The following ALK variants were observed in gnomAD, a reference collection of about 807,000 sequenced individuals.
The protein encoded by ALK is ALK tyrosine kinase receptor.
ALK carries 74 observed loss-of-function variants against 163.1 expected under a neutral mutation model. The ratio of observed to expected loss-of-function variants is 0.45; its 90% confidence interval spans 0.38 to 0.55. The LOEUF is 0.55. ALK is among the 20% of genes least tolerant of loss of function. The probability of loss-of-function intolerance (pLI) is 0.00; values close to 1 mark genes in which losing one functional copy is unlikely to be tolerated. For missense variants in ALK, 2,063 were observed against 2,105.3 expected (o/e 0.98, Z 0.39); for synonymous variants, 960 against 843.2 (o/e 1.14, Z -2.40).
intron 11 of ALK, among the ~76,000 whole-genome samples, chr2:29,253,880 A>G (rs915658454): frequency 7.1e-6 from 1 of 140,414 alleles, no homozygotes; most frequent in Non-Finnish European, 1.5e-5. Context: ...AGATAGATAG[A>G]TAGATAGATA....
chr2:29,482,896 G>A (rs1184195512), intron 4 of ALK, among the ~76,000 whole-genome samples: 1 of 152,126 alleles, frequency 6.6e-6, no homozygotes, highest in African/African-American at 2.4e-5. Context: ...AGGGGCGATA[G>A]GAGGCAAGGA....
At chr2:29,552,214 G>T (rs2148175967) in intron 3 of ALK, among the ~76,000 whole-genome samples, 1 of 152,218 alleles carries the variant, frequency 6.6e-6, no homozygotes, top group East Asian at 1.9e-4. Context: ...TAAGGTCATG[G>T]TATGTGTATA....
At chr2:29,842,514 C>G (rs1665726937) in intron 1 of ALK, among the ~76,000 whole-genome samples, 1 of 152,182 alleles carries the variant, frequency 6.6e-6, no homozygotes, top group South Asian at 2.1e-4. Flanking sequence ...CCAACTACCC[C>G]ACACAGTTAC....
chr2:29,369,111 C>T (rs781496045), intron 5 of ALK, among the ~76,000 whole-genome samples: 13 of 152,194 alleles, frequency 8.5e-5, no homozygotes, highest in Non-Finnish European at 1.6e-4. Flanking sequence ...CTTCTTGACA[C>T]TCACAGGAAA....
chr2:29,764,920 G>A (rs925241445), intron 1 of ALK, among the ~76,000 whole-genome samples: 3 of 152,094 alleles, frequency 2.0e-5, no homozygotes, highest in South Asian at 2.1e-4. Flanking sequence ...TGGATCAAGG[G>A]GGCAGATCTC....
chr2:29,643,540 C>T (rs1371824409), intron 3 of ALK, among the ~76,000 whole-genome samples: 2 of 152,128 alleles, frequency 1.3e-5, no homozygotes, highest in Non-Finnish European at 2.9e-5. Flanking sequence ...GAATTGGACA[C>T]TGAAAACCTA....
intron 12 of ALK, among the ~76,000 whole-genome samples, chr2:29,242,022 C>T (rs1042593269): frequency 1.3e-5 from 2 of 152,166 alleles, no homozygotes; most frequent in Admixed American, 1.3e-4. Flanking sequence ...CCAAACACTC[C>T]CTCCTGATCC....
chr2:29,782,794 T>G (rs1663869984), intron 1 of ALK, among the ~76,000 whole-genome samples: 1 of 152,208 alleles, frequency 6.6e-6, no homozygotes, highest in East Asian at 1.9e-4. Context: ...CAGCCTTCTG[T>G]GTGCCTCTGC....
chr2:29,341,325 C>G (rs1667785282), intron 5 of ALK, among the ~76,000 whole-genome samples: 1 of 152,228 alleles, frequency 6.6e-6, no homozygotes, highest in South Asian at 2.1e-4. Context: ...GCTGCCCACT[C>G]ATACCTGCAA....
intron 18 of ALK, 46 bp from the exon 19 acceptor site, chr2:29,225,611 C>G (rs1356491194): frequency 6.6e-7 from 1 of 1,519,024 alleles, no homozygotes; most frequent in Non-Finnish European, 9.0e-7. Flanking sequence ...CACCAGGTCT[C>G]CTTTGAGTTG....
At chr2:29,486,199 G>C (rs1463274705) in intron 4 of ALK, among the ~76,000 whole-genome samples, 1 of 152,032 alleles carries the variant, frequency 6.6e-6, no homozygotes, top group Non-Finnish European at 1.5e-5. Flanking sequence ...TCAAAGTCTA[G>C]ATTTGCAAAA....
intron 4 of ALK, among the ~76,000 whole-genome samples, chr2:29,507,890 T>A (rs903457319): frequency 1.3e-5 from 2 of 152,200 alleles, no homozygotes; most frequent in African/African-American, 4.8e-5. Flanking sequence ...ATCAGTTATC[T>A]TGGCCCCCAG....
chr2:29,800,061 C>T (rs946097181), intron 1 of ALK, among the ~76,000 whole-genome samples: 1 of 152,160 alleles, frequency 6.6e-6, no homozygotes, highest in African/African-American at 2.4e-5. Context: ...CAGTGTGGTG[C>T]GTGCCGTGCT....
chr2:29,856,024 T>C (rs1052193965), intron 1 of ALK, among the ~76,000 whole-genome samples: 3 of 152,132 alleles, frequency 2.0e-5, no homozygotes, highest in African/African-American at 7.2e-5. Flanking sequence ...GCAGATGAAA[T>C]ATGCATATTC....
intron 4 of ALK, among the ~76,000 whole-genome samples, chr2:29,521,952 C>G (rs1179962343): frequency 6.6e-6 from 1 of 152,212 alleles, no homozygotes; most frequent in Non-Finnish European, 1.5e-5. Context: ...TGCCTGCTCT[C>G]TAAAACAGGC....
chr2:29,728,865 G>A (rs573277151), intron 1 of ALK, among the ~76,000 whole-genome samples: 15 of 152,274 alleles, frequency 9.9e-5, no homozygotes, highest in African/African-American at 3.1e-4. Flanking sequence ...GATTGCAATC[G>A]AGAACAAGGA....
chr2:29,531,388 T>C (rs890530237), intron 4 of ALK, among the ~76,000 whole-genome samples: 1 of 152,154 alleles, frequency 6.6e-6, no homozygotes, highest in African/African-American at 2.4e-5. Flanking sequence ...CACTGTCATA[T>C]GTCTTGGTGG....
intron 5 of ALK, among the ~76,000 whole-genome samples, chr2:29,335,546 C>T (rs1667585754): frequency 6.6e-6 from 1 of 152,166 alleles, no homozygotes; most frequent in South Asian, 2.1e-4. Context: ...CAAGTGGTCT[C>T]ACAGCTAGTA....
intron 1 of ALK, chr2:29,907,270 C>CGGGAAAAAG (rs1391023822): frequency 5.3e-5 from 8 of 152,148 alleles, no homozygotes; most frequent in African/African-American, 1.9e-4. Context: ...CTTTTTCCCT[C>CGGGAAAAAG]CTGATTTTCA....
Sources: gnomAD v4.1 joint callset for allele counts (sites outside exome capture counted in the v4.1 genomes callset) on GRCh38, gnomAD v4.1.1 for gene constraint, MANE v1.5 for transcripts, NCBI Gene and HGNC (gene_info 2026-07-23, HGNC 2026-07-21) for gene names.